ATP6V0D1: variants seen among roughly 807,000 people sequenced by gnomAD.
ATP6V0D1 encodes V-type proton ATPase subunit d 1.
Under a neutral mutation model 39.0 loss-of-function variants are expected in ATP6V0D1, and 13 were observed. That is an observed-to-expected ratio of 0.33 (90% CI 0.22 to 0.53). ATP6V0D1 has a LOEUF of 0.53. ATP6V0D1 is among the 20% of genes least tolerant of loss of function. ATP6V0D1 has a pLI of 0.94. For synonymous variants in ATP6V0D1, 191 were observed against 191.2 expected (o/e 1.00, Z 0.01); for missense variants, 272 against 470.9 (o/e 0.58, Z 3.91).
In ATP6V0D1 at chr16:67,458,215, A is replaced by C. The variant is rs2041257629; in HGVS notation, c.131-4500T>G. Reference sequence around the variant, plus strand: ...AGACAGTACTGGTCAGGCCTAGGACAAGGCTGGTTGGGATGCTCCCTCCTC... The same window carrying C: ...AGACAGTACTGGTCAGGCCTAGGACCAGGCTGGTTGGGATGCTCCCTCCTC... On this transcript the variant is annotated intron_variant, in intron 1 of 7. Transcript: ENST00000290949. Among the ~76,000 whole-genome samples the C allele has an allele frequency of 5.9e-5, 9 of 152,168 alleles. No individual in the cohort carries two copies. The South Asian group carries it at 1.9e-3, about 31-fold the overall frequency.
At position 67,450,448 on chromosome 16, in the gene ATP6V0D1, T is replaced by C. The variant is rs570823746; in HGVS notation, c.302+3096A>G. ...CAACACTCCACACACACACTGGGGATGGCCTGCTGGGGCAGAGCGGAGAAG... is the reference window on the plus strand; with the variant it reads ...CAACACTCCACACACACACTGGGGACGGCCTGCTGGGGCAGAGCGGAGAAG... On this transcript the variant is annotated intron_variant, in intron 2 of 7. Transcript: ENST00000290949. 2.0e-5 allele frequency among the ~76,000 whole-genome samples: 3 copies of C among 152,262 alleles called. No homozygotes were observed. The East Asian group carries it at 5.8e-4, about 29-fold the overall frequency.
intron 1 of ATP6V0D1, among the ~76,000 whole-genome samples, chr16:67,476,473 A>G (rs2041415594): frequency 6.6e-6 from 1 of 152,120 alleles, no homozygotes; most frequent in South Asian, 2.1e-4. Flanking sequence ...CAGTGAAACA[A>G]CTCTTTATTT....
chr16:67,465,113 G>C (rs2041318878), intron 1 of ATP6V0D1, among the ~76,000 whole-genome samples: 1 of 152,254 alleles, frequency 6.6e-6, no homozygotes, highest in South Asian at 2.1e-4. Flanking sequence ...TCTAGTGCAG[G>C]ATAGATTTTT....
Position 67,447,473 on chromosome 16 carries a change from G to A in ATP6V0D1, c.303-2767C>T, listed in dbSNP as rs1371857103. ...TTCAGCAGCTGCCTCCCTGCCCCCA[G>A]AAAGCCACTCCACCATTCCTCCCCT... On this transcript the variant is annotated intron_variant, in intron 2 of 7. Coordinates refer to ENST00000290949, the MANE Select transcript of ATP6V0D1 (RefSeq NM_004691.5). The surrounding 1 kb of genome is among the most constrained non-coding windows in gnomAD (Gnocchi z 4.1). 6.6e-6 allele frequency among the ~76,000 whole-genome samples: 1 copy of A among 152,208 alleles called. No homozygotes were observed. Among genetic ancestry groups the A allele is most frequent in the Non-Finnish European group, 1.5e-5 (1 of 68,026 alleles).
chr16:67,452,215 C>T, intron 2 of ATP6V0D1: 4 of 1,533,608 alleles, frequency 2.6e-6, no homozygotes, highest in Non-Finnish European at 3.5e-6. Context: ...GCCTCCTGCC[C>T]CAGTAGGTCC....
At chr16:67,439,430 C>G in intron 4 of ATP6V0D1, 79 bp from the exon 5 acceptor site, 1 of 1,342,698 alleles carries the variant, frequency 7.4e-7, no homozygotes, top group Non-Finnish European at 1.1e-6. Flanking sequence ...TCACAGCTCC[C>G]TCCTCCCCTC....
At chr16:67,451,603 G>A (rs1033563424) in intron 2 of ATP6V0D1, among the ~76,000 whole-genome samples, 1 of 152,228 alleles carries the variant, frequency 6.6e-6, no homozygotes, top group African/African-American at 2.4e-5. Context: ...TGGAGATGAC[G>A]AGGTCATGGA....
intron 1 of ATP6V0D1, among the ~76,000 whole-genome samples, chr16:67,471,315 G>C (rs2041370879): frequency 6.6e-6 from 1 of 152,134 alleles, no homozygotes; most frequent in African/African-American, 2.4e-5. Context: ...ACCCTCCCAA[G>C]TAGCTGGGGA....
At chr16:67,451,144 G>A (rs888412711) in intron 2 of ATP6V0D1, among the ~76,000 whole-genome samples, 1 of 152,182 alleles carries the variant, frequency 6.6e-6, no homozygotes, top group African/African-American at 2.4e-5. Context: ...TGGCAGCAAG[G>A]ATGACCCCCC....
At chr16:67,464,053 G>A (rs1162945477) in intron 1 of ATP6V0D1, among the ~76,000 whole-genome samples, 1 of 152,200 alleles carries the variant, frequency 6.6e-6, no homozygotes, top group Non-Finnish European at 1.5e-5. Flanking sequence ...TTAAAGGGTT[G>A]GGGGCATGGG....
chr16:67,458,277 G>A (rs1022667983), intron 1 of ATP6V0D1, among the ~76,000 whole-genome samples: 1 of 152,228 alleles, frequency 6.6e-6, no homozygotes, highest in Non-Finnish European at 1.5e-5. Context: ...TGCGGAGGAG[G>A]GGATGTGACT....
rs987026852 is a variant in ATP6V0D1 at position 67,447,324 on chromosome 16, C to T, written c.303-2618G>A. Among the ~76,000 whole-genome samples the T allele has an allele frequency of 6.6e-6, 1 of 152,248 alleles. No homozygotes were observed. The highest frequency in any genetic ancestry group is 1.5e-5 in the Non-Finnish European group (1 of 68,034). On this transcript the variant is annotated intron_variant, in intron 2 of 7. Transcript: ENST00000290949. This position sits in a 1 kb window ranked among gnomAD's most constrained non-coding sequence, Gnocchi z 4.1. ...CCTGCCCAGTGAGGGGCAGAATCCT[C>T]TTTTTCAGGAGATGAGAGGCTGGAC... is the stretch of plus-strand genomic sequence containing the variant.
At chr16:67,468,270 C>T (rs1453735417) in intron 1 of ATP6V0D1, among the ~76,000 whole-genome samples, 4 of 151,790 alleles carry the variant, frequency 2.6e-5, no homozygotes, top group Non-Finnish European at 5.9e-5. Context: ...CCAACCTGGG[C>T]GACAGAGTGA....
chr16:67,442,855 G>A (rs1040543814), intron 4 of ATP6V0D1, among the ~76,000 whole-genome samples: 9 of 152,162 alleles, frequency 5.9e-5, no homozygotes, highest in Non-Finnish European at 1.0e-4. Context: ...ACAGGCCAGC[G>A]GTGGAGCACC....
rs1256384050 is a variant in ATP6V0D1, at chr16:67,453,713, A to G, written c.133T>C (p.Leu45=). 1 of 1,613,768 alleles carries G rather than the reference A, an allele frequency of 6.2e-7. No homozygotes were observed. Among genetic ancestry groups the G allele is most frequent in the Admixed American group, 1.7e-5 (1 of 60,014 alleles). The change falls in exon 2 of 8, where the codon TTG becomes CTG. Residue 45 remains leucine, a splice_region_variant and synonymous_variant. Coordinates refer to ENST00000290949, the MANE Select transcript of ATP6V0D1 (RefSeq NM_004691.5). This position sits in a 1 kb window ranked among gnomAD's most constrained non-coding sequence, Gnocchi z 4.1. Reference sequence around the variant, plus strand: ...TCAGTGCTCTGCAGATGCAGTTTCAAGTCTGAAACCCAAGGGTAGGGGGTA... The same window carrying G: ...TCAGTGCTCTGCAGATGCAGTTTCAGGTCTGAAACCCAAGGGTAGGGGGTA... ...NLVQCETLED[L]KLHLQSTDYG...
rs764144590 is a variant in ATP6V0D1, at chr16:67,438,926, G to A, written c.816+45C>T. 5 of 1,613,304 alleles carry A rather than the reference G, an allele frequency of 3.1e-6. No individual in the cohort carries two copies. The African/African-American group carries it at 4.0e-5, about 13-fold the overall frequency. On this transcript the variant is annotated intron_variant, in intron 6 of 7. Coordinates refer to ENST00000290949, the MANE Select transcript of ATP6V0D1 (RefSeq NM_004691.5). ...ATGAGGGTTCTGGGTGGGGGTGCTT[G>A]GTGACAACACATCCAACCGCTGTCC...
chr16:67,468,039 C>T (rs1319670129), intron 1 of ATP6V0D1, among the ~76,000 whole-genome samples: 2 of 152,078 alleles, frequency 1.3e-5, no homozygotes, highest in African/African-American at 4.8e-5. Flanking sequence ...GTCTAACAGC[C>T]GTTAATGCAG....
At position 67,438,321 on chromosome 16, in the gene ATP6V0D1, G is replaced by C. The variant is rs747258215; in HGVS notation, c.*207C>G. 6.4e-6 allele frequency: 4 copies of C among 626,218 alleles called. No individual in the cohort carries two copies. Among genetic ancestry groups the C allele is most frequent in the South Asian group, 2.0e-5 (1 of 49,798 alleles). 38.8% of individuals were successfully genotyped at this position (626,218 alleles called of 1,614,324 possible). ...GGGGGTCTTCGTCCATCCTTGGTGGGGGGGGGTGCCCAGCCCCTTTTCAGG... is the reference window on the plus strand; with the variant it reads ...GGGGGTCTTCGTCCATCCTTGGTGGCGGGGGGTGCCCAGCCCCTTTTCAGG... On this transcript the variant is annotated 3_prime_UTR_variant, in exon 8 of 8. Coordinates refer to ENST00000290949, the MANE Select transcript of ATP6V0D1 (RefSeq NM_004691.5).
intron 1 of ATP6V0D1, among the ~76,000 whole-genome samples, chr16:67,466,364 CACACACACACACA>C (rs1355970829): frequency 6.7e-6 from 1 of 149,426 alleles, no homozygotes; most frequent in Non-Finnish European, 1.5e-5. Context: ...CACACACACA[CACACACACACACA>C]AAATTAGCCA....
Sources: gnomAD v4.1 joint callset for allele counts (sites outside exome capture counted in the v4.1 genomes callset) on GRCh38, gnomAD v4.1.1 for gene constraint, Gnocchi (gnomAD v3.1) non-coding constraint, MANE v1.5 for transcripts, NCBI Gene and HGNC (gene_info 2026-07-23, HGNC 2026-07-21) for gene names.